The following PLAC1 variants were observed in gnomAD, a reference collection of about 807,000 sequenced individuals.
PLAC1 encodes placenta associated 1.
For missense variants in PLAC1, 136 were observed against 163.2 expected (o/e 0.83, Z 0.91); for synonymous variants, 68 against 62.1 (o/e 1.09, Z -0.44).
chrX:134,623,881 A>G (rs2124410784), intron 1 of PLAC1, among the ~76,000 whole-genome samples: 1 of 112,145 alleles, frequency 8.9e-6, no homozygotes, highest in East Asian at 2.8e-4. Flanking sequence ...TAAAAGGGAA[A>G]CACAGGGAAA....
chrX:134,576,006 T>C (rs2077937314), intron 2 of PLAC1, among the ~76,000 whole-genome samples: 2 of 107,753 alleles, frequency 1.9e-5, no homozygotes, highest in East Asian at 5.7e-4. Flanking sequence ...AAAGGAAGTT[T>C]CCCCCCACTG....
chrX:134,590,305 T>G (rs182908019), intron 2 of PLAC1, among the ~76,000 whole-genome samples: 62 of 111,988 alleles, frequency 5.5e-4, no homozygotes, highest in African/African-American at 1.9e-3. Context: ...TCTTATTACC[T>G]GGCTTCATTC....
At chrX:134,676,045 G>T (rs2147813308) in intron 2 of PLAC1, among the ~76,000 whole-genome samples, 1 of 112,137 alleles carries the variant, frequency 8.9e-6, no homozygotes, top group South Asian at 3.7e-4. Context: ...ATAATTTATT[G>T]GTTAGAAACG....
intron 2 of PLAC1, among the ~76,000 whole-genome samples, chrX:134,668,521 C>A (rs942978958): frequency 4.4e-5 from 5 of 112,813 alleles, no homozygotes; most frequent in Middle Eastern, 4.2e-3. Context: ...GAGTTGGATG[C>A]TCAGACTTAT....
At chrX:134,588,382 T>G (rs2078017581) in intron 2 of PLAC1, among the ~76,000 whole-genome samples, 2 of 108,927 alleles carry the variant, frequency 1.8e-5, no homozygotes, top group Non-Finnish European at 3.8e-5. Context: ...TGGAGTGCAG[T>G]GGCACGATCT....
At chrX:134,599,072 T>C (rs973926624) in intron 2 of PLAC1, among the ~76,000 whole-genome samples, 1 of 111,649 alleles carries the variant, frequency 9.0e-6, no homozygotes, top group African/African-American at 3.3e-5. Flanking sequence ...ATGTATAAAA[T>C]GAGGTGCGAT....
chrX:134,712,003 C>T (rs187233049), intron 2 of PLAC1, among the ~76,000 whole-genome samples: 63 of 111,538 alleles, frequency 5.6e-4, no homozygotes, highest in East Asian at 3.6e-3. Context: ...AAAATGAAAA[C>T]TAGTTGAACA....
intron 2 of PLAC1, among the ~76,000 whole-genome samples, chrX:134,679,303 A>G (rs2078485749): frequency 9.0e-6 from 1 of 111,187 alleles, no homozygotes; most frequent in African/African-American, 3.3e-5. Flanking sequence ...GATGTCGAGT[A>G]GGCCGTGGAT....
chrX:134,630,024 T>G (rs1207492435), intron 1 of PLAC1, among the ~76,000 whole-genome samples: 2 of 101,069 alleles, frequency 2.0e-5, no homozygotes, highest in African/African-American at 3.7e-5. Flanking sequence ...CAGGCTGGAG[T>G]GCAATGGTGC....
At chrX:134,583,020 G>A (rs1223957799) in intron 2 of PLAC1, among the ~76,000 whole-genome samples, 2 of 111,280 alleles carry the variant, frequency 1.8e-5, no homozygotes, top group African/African-American at 3.3e-5. Flanking sequence ...ACACTGCATC[G>A]GGTCGTTATG....
intron 2 of PLAC1, among the ~76,000 whole-genome samples, chrX:134,690,676 T>C (rs1294342372): frequency 1.8e-5 from 2 of 108,757 alleles, no homozygotes; most frequent in East Asian, 5.8e-4. Flanking sequence ...CTCATACCTG[T>C]AATCCCAGCA....
chrX:134,762,840 A>G (rs1203712903), intron 1 of PLAC1, among the ~76,000 whole-genome samples: 4 of 104,738 alleles, frequency 3.8e-5, no homozygotes, highest in African/African-American at 7.1e-5. Flanking sequence ...AAAAAAAAAA[A>G]AAAAAAAAGA....
chrX:134,566,704 G>A lies in PLAC1; in HGVS notation c.-22C>T. On this transcript the variant is annotated 5_prime_UTR_variant, in exon 3 of 3. Coordinates refer to ENST00000359237, the MANE Select transcript of PLAC1 (RefSeq NM_021796.4). ...TCATCCCTGCAGCCAATCAGATAAT[G>A]AACCACAGGAAACAGGAAGCCGTCC... The A allele has an allele frequency of 8.7e-7, 1 of 1,146,003 alleles. No homozygotes were observed. Among genetic ancestry groups the A allele is most frequent in the South Asian group, 2.0e-5 (1 of 49,714 alleles). 94.4% of individuals were successfully genotyped at this position (1,146,003 alleles called of 1,213,427 possible).
At chrX:134,597,516 C>T (rs900750357) in intron 2 of PLAC1, among the ~76,000 whole-genome samples, 2 of 112,122 alleles carry the variant, frequency 1.8e-5, no homozygotes, top group Admixed American at 9.5e-5. Context: ...TTGAAATCTT[C>T]CTGGTTCTTG....
chrX:134,696,955 C>T (rs758544981), intron 2 of PLAC1, among the ~76,000 whole-genome samples: 1 of 108,063 alleles, frequency 9.3e-6, no homozygotes, highest in Non-Finnish European at 1.9e-5. Context: ...ATGGCGTGAA[C>T]CCGGGAGGCG....
chrX:134,603,128 A>C (rs2078096471), intron 1 of PLAC1, among the ~76,000 whole-genome samples: 1 of 101,314 alleles, frequency 9.9e-6, no homozygotes, highest in Non-Finnish European at 2.0e-5. Context: ...GGAACAGAGT[A>C]ATATTTAGAG....
intron 2 of PLAC1, among the ~76,000 whole-genome samples, chrX:134,718,714 T>G (rs1158923696): frequency 8.9e-6 from 1 of 112,109 alleles, no homozygotes; most frequent in Non-Finnish European, 1.9e-5. Flanking sequence ...GGCCTGGATA[T>G]AGCAGCAGAA....
chrX:134,691,002 A>G (rs867863346), intron 2 of PLAC1, among the ~76,000 whole-genome samples: 3 of 46,312 alleles, frequency 6.5e-5, no homozygotes, highest in Non-Finnish European at 8.4e-5. Context: ...ATATATATAT[A>G]TATATATATA....
chrX:134,605,722 C>A (rs2078119461), intron 1 of PLAC1: 1 of 112,034 alleles, frequency 8.9e-6, no homozygotes, highest in Non-Finnish European at 1.9e-5. Context: ...AGACCATCTC[C>A]CCGGGGGGGA....
Sources: allele counts gnomAD v4.1 joint callset (sites outside exome capture counted in the v4.1 genomes callset), GRCh38; gene constraint gnomAD v4.1.1; transcripts MANE v1.5; gene names NCBI Gene and HGNC (gene_info 2026-07-23, HGNC 2026-07-21).